The following AGMO variants were observed in gnomAD, a reference collection of about 807,000 sequenced individuals.
AGMO encodes the protein glyceryl-ether monooxygenase.
A neutral mutation model predicts 60.2 loss-of-function variants in AGMO; 75 were observed. The ratio of observed to expected loss-of-function variants is 1.25; its 90% CI spans 1.03 to 1.51. The LOEUF (loss-of-function observed/expected upper bound fraction) is 1.51. Among genes scored for constraint, AGMO ranks in the 40% most tolerant of loss-of-function variants. The probability of loss-of-function intolerance (pLI) is 0.00; values close to 1 mark genes in which losing one functional copy is unlikely to be tolerated. For missense variants in AGMO, 763 were observed against 525.5 expected, an observed-to-expected ratio of 1.45 and a Z score of -4.42; for synonymous variants, 261 against 177.1, an observed-to-expected ratio of 1.47 and a Z score of -3.76.
At chr7:15,326,261 ACT>A (rs1781337056) in intron 12 of AGMO, among the ~76,000 whole-genome samples, 1 of 152,180 alleles carries the variant, frequency 6.6e-6, no homozygotes, top group South Asian at 2.1e-4. Context: ...CAAAACTCCC[ACT>A]GTGTTTACAT....
At chr7:15,241,001 G>A (rs1563050523) in intron 12 of AGMO, among the ~76,000 whole-genome samples, 1 of 152,018 alleles carries the variant, frequency 6.6e-6, no homozygotes, top group Non-Finnish European at 1.5e-5. Context: ...TTTATCAGCT[G>A]GATCTAGATT....
chr7:15,199,636 T>C (rs1345242404), downstream of AGMO, among the ~76,000 whole-genome samples: 1 of 152,164 alleles, frequency 6.6e-6, no homozygotes. Flanking sequence ...AGAATGTTTA[T>C]GCCTTAAATT....
At chr7:15,158,964 G>A in the AGMO span, among the ~76,000 whole-genome samples, 69,865 of 151,858 alleles carry the variant, frequency 0.46, 16,340 homozygotes, top group East Asian at 0.71. Flanking sequence ...GCTATTTTTG[G>A]GGTTGGGGTG....
chr7:15,177,098 G>T, the AGMO span, among the ~76,000 whole-genome samples: 1 of 129,836 alleles, frequency 7.7e-6, no homozygotes, highest in African/African-American at 2.5e-5. Flanking sequence ...TAAAATAAGG[G>T]GAGGAAAAAA....
rs188058982 is a variant in AGMO, at chr7:15,408,025, G to A, written c.609+10533C>T. Among the ~76,000 whole-genome samples, 22 of 151,970 alleles carry A rather than the reference G, an allele frequency of 1.4e-4. No individual in the cohort carries two copies. The East Asian group carries it at 3.9e-3, about 27-fold the overall frequency. On this transcript the variant is annotated intron_variant, in intron 5 of 12. Coordinates refer to ENST00000342526, the MANE Select transcript of AGMO (RefSeq NM_001004320.2). Reference sequence around the variant, plus strand: ...AAAGTGCATCGAGCTCTTACTAGGAGGTAAAAGAAAGATGTTGCAGAGGAA... The same window carrying A: ...AAAGTGCATCGAGCTCTTACTAGGAAGTAAAAGAAAGATGTTGCAGAGGAA...
the AGMO span, among the ~76,000 whole-genome samples, chr7:15,177,101 G>A: frequency 2.3e-5 from 3 of 128,760 alleles, no homozygotes; most frequent in East Asian, 2.2e-4. Flanking sequence ...AATAAGGGGA[G>A]GAAAAAACAT....
At chr7:15,276,601 T>C (rs543052626) in intron 12 of AGMO, among the ~76,000 whole-genome samples, 1 of 152,158 alleles carries the variant, frequency 6.6e-6, no homozygotes, top group Non-Finnish European at 1.5e-5. Context: ...ATCAAGAAAA[T>C]TTTTCTTCAT....
At chr7:15,545,138 T>A (rs867028919) in intron 2 of AGMO, among the ~76,000 whole-genome samples, 3 of 152,164 alleles carry the variant, frequency 2.0e-5, no homozygotes, top group African/African-American at 7.2e-5. Context: ...ATAGGCATCA[T>A]GGATGCCAGC....
the AGMO span, among the ~76,000 whole-genome samples, chr7:15,163,198 T>A: frequency 1.8e-3 from 276 of 152,296 alleles, 1 homozygote; most frequent in African/African-American, 6.2e-3. Flanking sequence ...ACTGAAGTCA[T>A]TTAACAAGTC....
chr7:15,305,874 C>A (rs1252068250), intron 12 of AGMO, among the ~76,000 whole-genome samples: 1 of 151,874 alleles, frequency 6.6e-6, no homozygotes, highest in African/African-American at 2.4e-5. Flanking sequence ...ACTATGGGTA[C>A]ATGAACGAAC....
chr7:15,339,271 G>A (rs956890994), intron 12 of AGMO, among the ~76,000 whole-genome samples: 6 of 152,130 alleles, frequency 3.9e-5, no homozygotes, highest in African/African-American at 1.4e-4. Flanking sequence ...ACAAAGCCCT[G>A]ACATGGAAGA....
At chr7:15,366,050 T>TA (rs1782963630) in intron 11 of AGMO, 90 bp downstream of exon 11, 2 of 873,982 alleles carry the variant, frequency 2.3e-6, no homozygotes, top group Admixed American at 5.9e-5. Flanking sequence ...AAAACTACAC[T>TA]AGTTACATAA....
At chr7:15,185,599 C>T in the AGMO span, among the ~76,000 whole-genome samples, 3 of 152,142 alleles carry the variant, frequency 2.0e-5, no homozygotes, top group African/African-American at 7.2e-5. Flanking sequence ...CCCAAGGAGG[C>T]AGTCCTGCTC....
At chr7:15,128,609 T>C in the AGMO span, among the ~76,000 whole-genome samples, 1 of 151,978 alleles carries the variant, frequency 6.6e-6, no homozygotes, top group African/African-American at 2.4e-5. Context: ...CTAAAATATA[T>C]ATAAAGTAAA....
the AGMO span, among the ~76,000 whole-genome samples, chr7:15,174,484 G>A: frequency 6.6e-6 from 1 of 152,056 alleles, no homozygotes; most frequent in East Asian, 1.9e-4. Context: ...ATTGGTAAAA[G>A]CTCAAAGAAA....
chr7:15,457,878 C>A (rs566448987), intron 3 of AGMO, among the ~76,000 whole-genome samples: 1 of 152,068 alleles, frequency 6.6e-6, no homozygotes, highest in Non-Finnish European at 1.5e-5. Context: ...GGTACAGACA[C>A]ATGTGTTGAA....
chr7:15,417,357 A>G (rs1780800757), intron 5 of AGMO, among the ~76,000 whole-genome samples: 1 of 152,100 alleles, frequency 6.6e-6, no homozygotes, highest in Admixed American at 6.6e-5. Context: ...TGGCCCTCTC[A>G]TCGGGACACA....
At chr7:15,345,583 G>T (rs1200527517) in intron 12 of AGMO, among the ~76,000 whole-genome samples, 1 of 152,162 alleles carries the variant, frequency 6.6e-6, no homozygotes, top group Non-Finnish European at 1.5e-5. Context: ...GATTCTTAAA[G>T]ACTGGGAAAA....
chr7:15,373,899 C>T (rs188138878), intron 10 of AGMO, among the ~76,000 whole-genome samples: 3 of 152,310 alleles, frequency 2.0e-5, no homozygotes, highest in Admixed American at 2.0e-4. Flanking sequence ...TCTCAGACAT[C>T]TGTAAAATGA....
Sources: allele counts gnomAD v4.1 joint callset (sites outside exome capture counted in the v4.1 genomes callset), GRCh38; gene constraint gnomAD v4.1.1; transcripts MANE v1.5; gene names NCBI Gene and HGNC (gene_info 2026-07-23, HGNC 2026-07-21).